SPEN: variants seen among roughly 807,000 people sequenced by gnomAD.
The protein encoded by SPEN is msx2-interacting protein.
In SPEN, 18 loss-of-function variants were observed where a neutral mutation model predicts 269.9. The observed-to-expected ratio is 0.07, with a 90% CI of 0.05 to 0.10. The LOEUF is 0.10. Ranked by LOEUF, SPEN falls within the 10% of genes least tolerant of loss-of-function variation. SPEN has a pLI of 1.00. For missense variants in SPEN, 3,822 were observed against 4,631.2 expected, an observed-to-expected ratio of 0.83 and a Z score of 5.07; for synonymous variants, 1,726 against 1,765.7, an observed-to-expected ratio of 0.98 and a Z score of 0.56.
rs749920639 is a variant in SPEN at position 15,935,599 on chromosome 1, C to T, written c.9359C>T (p.Pro3120Leu). 6.2e-7 allele frequency: 1 copy of T among 1,614,120 alleles called. No homozygotes were observed. The highest frequency in any genetic ancestry group is 1.1e-5 in the South Asian group (1 of 91,090). ...ATCCGGCCAGAAGCGCTTCACTCTC[C>T]TCGGGCTCCGCTGCAGCCCCAGCAA... ...YSIRPEALHSPRAPLQPQQIE... is the reference protein window; with the variant it reads ...YSIRPEALHSLRAPLQPQQIE... The change falls in exon 11 of 15, where the codon CCT becomes CTT. Residue 3120 changes from proline to leucine, a missense_variant. By Grantham distance (98) the Pro-to-Leu change is moderately conservative. Coordinates refer to ENST00000375759, the MANE Select transcript of SPEN (RefSeq NM_015001.3). The surrounding 1 kb of genome is among the most constrained non-coding windows in gnomAD (Gnocchi z 7.7).
In SPEN at chr1:15,929,497, C is replaced by G; in HGVS notation, c.3257C>G (p.Ala1086Gly). 2 of 1,613,340 alleles carry G rather than the reference C, an allele frequency of 1.2e-6. No individual in the cohort carries two copies. The highest frequency in any genetic ancestry group is 3.3e-4 in the Middle Eastern group (2 of 6,062). ...TCAAGGCCCAGCTCAGACCTACAAG[C>G]AAGACTGGGAGAACTAGCAGGTGAA... is the stretch of plus-strand genomic sequence containing the variant. ...SGSRPSSDLQ[A>G]RLGELAGESV... The change falls in exon 11 of 15, where the codon GCA becomes GGA. Residue 1086 changes from alanine (A) to glycine (G), a missense_variant. Around this residue, in one of 16 missense-constraint regions of SPEN, gnomAD observed 572 missense variants for 582.6 expected, o/e 0.98. Transcript: ENST00000375759. The surrounding 1 kb of genome is among the most constrained non-coding windows in gnomAD (Gnocchi z 5.8).
At position 15,920,635 on chromosome 1, in the gene SPEN, C is replaced by G. The variant is rs1032815075; in HGVS notation, c.1636-235C>G. On this transcript the variant is annotated intron_variant, in intron 8 of 14. Coordinates refer to ENST00000375759, the MANE Select transcript of SPEN (RefSeq NM_015001.3). Reference sequence around the variant, plus strand: ...GAAAACAAAGTAAAATACAGAAGAACAAAATAAAGGCATAATATCTCAAGC... The same window carrying G: ...GAAAACAAAGTAAAATACAGAAGAAGAAAATAAAGGCATAATATCTCAAGC... Among the ~76,000 whole-genome samples the G allele has an allele frequency of 1.4e-4, 21 of 151,732 alleles. No homozygotes were observed. The East Asian group carries it at 3.7e-3, about 27-fold the overall frequency.
Position 15,931,527 on chromosome 1 carries a change from G to A in SPEN, c.5287G>A (p.Ala1763Thr), listed in dbSNP as rs2071220915. Residue 1763 changes from alanine (A) to threonine (T), a missense_variant, in exon 11 of 15, where the codon GCT becomes ACT. By Grantham distance (58) the Ala-to-Thr change is moderately conservative. Transcript: ENST00000375759. This position sits in a 1 kb window ranked among gnomAD's most constrained non-coding sequence, Gnocchi z 4.8. ...PDSTQPLSKP[A>T]QKSEEANEPK... is the part of the protein sequence containing the mutation. ...CAGTACCCAGCCACTTTCAAAACCA[G>A]CTCAGAAGTCTGAGGAAGCCAATGA... is the stretch of plus-strand genomic sequence containing the variant. The A allele has an allele frequency of 6.2e-7, 1 of 1,614,014 alleles. No homozygotes were observed. The highest frequency in any genetic ancestry group is 1.3e-5 in the African/African-American group (1 of 74,900).
intron 3 of SPEN, among the ~76,000 whole-genome samples, chr1:15,892,894 T>C (rs992136001): frequency 6.6e-6 from 1 of 151,386 alleles, no homozygotes; most frequent in Admixed American, 6.6e-5. Context: ...AGGTCAGGAG[T>C]TCAAGACCAG....
rs200731520 is a variant in SPEN at position 15,906,453 on chromosome 1, C to CTTTT, written c.882-2846_882-2843dup. ...GCTTTCTTTTTCTTTTCTTTCTTTC[C>CTTTT]TTTTTTTTTTTTTTTTTTTTTTTTT... On this transcript the variant is annotated intron_variant, in intron 3 of 14. Transcript: ENST00000375759. 1.1e-3 allele frequency among the ~76,000 whole-genome samples: 106 copies of CTTTT among 92,566 alleles called. 1 individual carries two copies. Among genetic ancestry groups the CTTTT allele is most frequent in the African/African-American group, 1.6e-3 (32 of 19,768 alleles). 60.7% of individuals were successfully genotyped at this position (92,566 alleles called of 152,430 possible).
intron 3 of SPEN, among the ~76,000 whole-genome samples, chr1:15,898,620 C>T (rs1420411134): frequency 7.1e-6 from 1 of 140,046 alleles, no homozygotes; most frequent in African/African-American, 2.7e-5. Context: ...AGTGCAGTGT[C>T]TCAGTCTTGG....
intron 11 of SPEN, among the ~76,000 whole-genome samples, chr1:15,936,641 T>TAAAAAA (rs1570073342): frequency 1.4e-5 from 1 of 69,122 alleles, no homozygotes. Context: ...AGACCCAGTC[T>TAAAAAA]CAAAAAAAAA....
chr1:15,860,683 A>G (rs1020677104), intron 1 of SPEN, among the ~76,000 whole-genome samples: 1 of 150,534 alleles, frequency 6.6e-6, no homozygotes, highest in African/African-American at 2.4e-5. Context: ...GCTCATTGCA[A>G]CCTCCACCTC....
At chr1:15,880,016 T>G (rs1019322407) in intron 3 of SPEN, among the ~76,000 whole-genome samples, 1 of 152,172 alleles carries the variant, frequency 6.6e-6, no homozygotes, top group African/African-American at 2.4e-5. Context: ...AAATTTAAAT[T>G]ATTGCCAGTG....
At position 15,911,093 on chromosome 1, in the gene SPEN, G is replaced by C; in HGVS notation, c.1043-8G>C. 3 of 1,587,980 alleles carry C rather than the reference G, an allele frequency of 1.9e-6. No individual in the cohort carries two copies. Among genetic ancestry groups the C allele is most frequent in the Non-Finnish European group, 1.7e-6 (2 of 1,171,192 alleles). ...GAATTAATAACTTGGTTTTTTTTGG[G>C]AATTTAGATACAAGCCTTAAAGATG... On this transcript the variant is annotated splice_polypyrimidine_tract_variant and splice_region_variant and intron_variant, in intron 4 of 14. Coordinates refer to ENST00000375759, the MANE Select transcript of SPEN (RefSeq NM_015001.3).
chr1:15,934,642 G>T lies in SPEN; in HGVS notation c.8402G>T (p.Gly2801Val). 1 of 1,613,980 alleles carries T rather than the reference G, an allele frequency of 6.2e-7. No homozygotes were observed. Among genetic ancestry groups the T allele is most frequent in the Non-Finnish European group, 8.5e-7 (1 of 1,179,862 alleles). The change falls in exon 11 of 15, where the codon GGC (glycine) becomes GTC (valine). Residue 2801 changes from glycine to valine, a missense_variant. By Grantham distance (109) the Gly-to-Val change is moderately radical. This residue lies in a region of SPEN where 329 missense variants were observed against 431.2 expected (regional missense o/e 0.76). Coordinates refer to ENST00000375759, the MANE Select transcript of SPEN (RefSeq NM_015001.3). This position sits in a 1 kb window ranked among gnomAD's most constrained non-coding sequence, Gnocchi z 9.2. ...ATCGACGATCGTCCGGCAGACGCGGGCTCAGGGGCGGGGCTGCGTGTGAAC... is the reference window on the plus strand; with the variant it reads ...ATCGACGATCGTCCGGCAGACGCGGTCTCAGGGGCGGGGCTGCGTGTGAAC... ...PVIDDRPADAGSGAGLRVNTS... is the reference protein window; with the variant it reads ...PVIDDRPADAVSGAGLRVNTS...
chr1:15,938,132 C>T, intron 13 of SPEN, 126 bp downstream of exon 13: 1 of 897,062 alleles, frequency 1.1e-6, no homozygotes, highest in Non-Finnish European at 1.6e-6. Flanking sequence ...GTTGTTGAAA[C>T]AGTCTCTGTC....
Position 15,928,087 on chromosome 1 carries a change from G to T in SPEN, c.1851-4G>T. 6.3e-7 allele frequency: 1 copy of T among 1,575,676 alleles called. No homozygotes were observed. The highest frequency in any genetic ancestry group is 8.6e-7 in the Non-Finnish European group (1 of 1,158,474). Reference sequence around the variant, plus strand: ...GAACTAATATCTTTGTTATTTTTTGGCAGAGAGGAACGAAGGGCATCCTAC... The same window carrying T: ...GAACTAATATCTTTGTTATTTTTTGTCAGAGAGGAACGAAGGGCATCCTAC... On this transcript the variant is annotated splice_polypyrimidine_tract_variant and splice_region_variant and intron_variant, in intron 10 of 14. Transcript: ENST00000375759. This position sits in a 1 kb window ranked among gnomAD's most constrained non-coding sequence, Gnocchi z 5.7.
Position 15,931,365 on chromosome 1 carries a change from G to T in SPEN, c.5125G>T (p.Asp1709Tyr). Residue 1709 changes from aspartate to tyrosine, a missense_variant, in exon 11 of 15, where the codon GAT becomes TAT. This residue lies in a region of SPEN where 533 missense variants were observed against 618.8 expected (regional missense o/e 0.86). Transcript: ENST00000375759. The surrounding 1 kb of genome is among the most constrained non-coding windows in gnomAD (Gnocchi z 4.8). ...QVDLPPGADP[D>Y]KEAAMMPAGV... ...AGACCTGCCCCCAGGAGCAGACCCC[G>T]ATAAAGAAGCTGCCATGATGCCTGC... 1 of 1,614,160 alleles carries T rather than the reference G, an allele frequency of 6.2e-7. No homozygotes were observed. The highest frequency in any genetic ancestry group is 8.5e-7 in the Non-Finnish European group (1 of 1,180,026).
chr1:15,853,078 C>T (rs1569960781), intron 1 of SPEN, among the ~76,000 whole-genome samples: 1 of 152,224 alleles, frequency 6.6e-6, no homozygotes, highest in African/African-American at 2.4e-5. Flanking sequence ...TCTTGAACTC[C>T]TGGGCTCAAG....
rs1407231450 is a variant in SPEN, at chr1:15,935,207, T to G, written c.8967T>G (p.Ala2989=). 1.9e-6 allele frequency: 3 copies of G among 1,613,950 alleles called. No homozygotes were observed. Among genetic ancestry groups the G allele is most frequent in the Middle Eastern group, 1.6e-4 (1 of 6,084 alleles). ...CGCTCACGCCCCACCACCCTCCTGC[T>G]CTGCCCAGCAAACTGCCTACAGAAG... ...GSTLTPHHPP[A]LPSKLPTEVN... is the part of the protein sequence containing the mutation. The change falls in exon 11 of 15, where the codon GCT becomes GCG. Residue 2989 remains alanine (A), a synonymous_variant. Coordinates refer to ENST00000375759, the MANE Select transcript of SPEN (RefSeq NM_015001.3). The surrounding 1 kb of genome is among the most constrained non-coding windows in gnomAD (Gnocchi z 7.7).
intron 3 of SPEN, among the ~76,000 whole-genome samples, chr1:15,884,170 T>A (rs898763300): frequency 1.3e-5 from 2 of 152,152 alleles, no homozygotes; most frequent in Non-Finnish European, 2.9e-5. Flanking sequence ...ACAACAGATA[T>A]AAGGTAATAA....
chr1:15,867,867 T>C (rs2070530813), intron 1 of SPEN, among the ~76,000 whole-genome samples: 1 of 152,192 alleles, frequency 6.6e-6, no homozygotes, highest in African/African-American at 2.4e-5. Context: ...GTATATGTGC[T>C]CTGCCACCCA....
intron 4 of SPEN, among the ~76,000 whole-genome samples, chr1:15,910,213 C>T (rs947535205): frequency 3.4e-5 from 5 of 149,154 alleles, no homozygotes; most frequent in African/African-American, 1.2e-4. Flanking sequence ...TATTGAGATA[C>T]TAATGTTGAT....
Sources: allele counts gnomAD v4.1 joint callset (sites outside exome capture counted in the v4.1 genomes callset), GRCh38; gene constraint gnomAD v4.1.1; regional missense constraint gnomAD v4.1.1; non-coding constraint Gnocchi (gnomAD v3.1); transcripts MANE v1.5; gene names NCBI Gene and HGNC (gene_info 2026-07-23, HGNC 2026-07-21).